FNDC3A: variants seen among roughly 807,000 people sequenced by gnomAD.
FNDC3A encodes the protein fibronectin type-III domain-containing protein 3A.
FNDC3A carries 32 observed loss-of-function variants against 148.9 expected under a neutral mutation model. The ratio of observed to expected loss-of-function variants is 0.21; its 90% CI spans 0.16 to 0.29. The LOEUF is 0.29. Ranked by LOEUF, FNDC3A falls within the 10% of genes least tolerant of loss-of-function variation. The probability of loss-of-function intolerance (pLI) is 1.00; values close to 1 mark genes in which losing one functional copy is unlikely to be tolerated. For synonymous variants in FNDC3A, 472 were observed against 473.6 expected, an observed-to-expected ratio of 1.00 and a Z score of 0.04; for missense variants, 1,191 against 1,452.8, an observed-to-expected ratio of 0.82 and a Z score of 2.93.
intron 4 of FNDC3A, 25 bp from the exon 5 acceptor site, chr13:49,131,112 T>A: frequency 6.5e-7 from 1 of 1,550,208 alleles, no homozygotes. Context: ...ATGGAAGAAA[T>A]TTTAATCTGA....
At chr13:49,064,358 T>C (rs1010023408) in intron 2 of FNDC3A, among the ~76,000 whole-genome samples, 1 of 145,072 alleles carries the variant, frequency 6.9e-6, no homozygotes, top group African/African-American at 2.6e-5. Flanking sequence ...AAGTAGTCTG[T>C]GGAAAAAGAA....
intron 3 of FNDC3A, among the ~76,000 whole-genome samples, chr13:49,098,791 A>G (rs1879687153): frequency 6.6e-6 from 1 of 152,164 alleles, no homozygotes; most frequent in Non-Finnish European, 1.5e-5. Context: ...TCTGAATCAT[A>G]CTTAGGCCCC....
chr13:49,056,760 GTTC>G (rs1206104637), intron 2 of FNDC3A, among the ~76,000 whole-genome samples: 5 of 151,902 alleles, frequency 3.3e-5, no homozygotes, highest in South Asian at 4.2e-4. Context: ...AGTTTTTATT[GTTC>G]TTCTTAAATC....
At chr13:49,168,841 A>G (rs111829587) in intron 10 of FNDC3A, 90 bp downstream of exon 10, 1 of 1,225,196 alleles carries the variant, frequency 8.2e-7, no homozygotes, top group Non-Finnish European at 1.2e-6. Flanking sequence ...CTGGAGACAA[A>G]GAGCTTTAAT....
At chr13:49,159,457 C>T (rs1593681245) in intron 8 of FNDC3A, among the ~76,000 whole-genome samples, 2 of 152,166 alleles carry the variant, frequency 1.3e-5, no homozygotes, top group Non-Finnish European at 2.9e-5. Flanking sequence ...GTGATTTTTG[C>T]ACATTGATGT....
intron 2 of FNDC3A, among the ~76,000 whole-genome samples, chr13:49,072,288 A>G (rs1359399212): frequency 3.3e-5 from 5 of 151,980 alleles, no homozygotes; most frequent in African/African-American, 7.3e-5. Flanking sequence ...TTTCCCCACT[A>G]TATGTTCTTG....
chr13:49,035,655 A>G (rs1451074897), intron 2 of FNDC3A, among the ~76,000 whole-genome samples: 3 of 152,088 alleles, frequency 2.0e-5, no homozygotes, highest in Admixed American at 6.6e-5. Flanking sequence ...TATACCATGT[A>G]TTCTGTTTTG....
At position 49,131,119 on chromosome 13, in the gene FNDC3A, C is replaced by T. The variant is rs1882003366; in HGVS notation, c.253-18C>T. 4 of 1,563,020 alleles carry T rather than the reference C, an allele frequency of 2.6e-6. No homozygotes were observed. The highest frequency in any genetic ancestry group is 3.5e-6 in the Non-Finnish European group (4 of 1,133,622). ...TATATTCTATGGAAGAAATTTTAATCTGATGTTCATTTTGTAGGTTATTGA... is the reference window on the plus strand; with the variant it reads ...TATATTCTATGGAAGAAATTTTAATTTGATGTTCATTTTGTAGGTTATTGA... On this transcript the variant is annotated intron_variant, in intron 4 of 25. Coordinates refer to ENST00000492622, the MANE Select transcript of FNDC3A (RefSeq NM_001079673.2).
chr13:48,983,317 GTA>G (rs1951729086), intron 1 of FNDC3A, among the ~76,000 whole-genome samples: 1 of 152,120 alleles, frequency 6.6e-6, no homozygotes, highest in South Asian at 2.1e-4. Context: ...ATACTGTAAT[GTA>G]TATATATTTT....
chr13:49,034,843 C>T (rs1234333038), intron 2 of FNDC3A, among the ~76,000 whole-genome samples: 1 of 151,960 alleles, frequency 6.6e-6, no homozygotes, highest in African/African-American at 2.4e-5. Flanking sequence ...ATTTTAAACT[C>T]AATCCTAAAA....
At chr13:48,993,955 A>G (rs1442705593) in intron 1 of FNDC3A, among the ~76,000 whole-genome samples, 1 of 152,168 alleles carries the variant, frequency 6.6e-6, no homozygotes, top group South Asian at 2.1e-4. Flanking sequence ...GATATAGAAA[A>G]CTGTGTTTCA....
chr13:49,167,449 G>C (rs894024518), intron 9 of FNDC3A, 146 bp downstream of exon 9: 21 of 546,308 alleles, frequency 3.8e-5, no homozygotes, highest in East Asian at 3.8e-4. Flanking sequence ...CAGTGCGCCC[G>C]TAATCCCAGC....
intron 2 of FNDC3A, among the ~76,000 whole-genome samples, chr13:49,066,752 T>A (rs1205089701): frequency 6.6e-6 from 1 of 152,102 alleles, no homozygotes; most frequent in East Asian, 1.9e-4. Flanking sequence ...CATGCAGGTT[T>A]GTTACATAGG....
At chr13:49,150,801 G>A (rs141615832) in intron 8 of FNDC3A, among the ~76,000 whole-genome samples, 10 of 151,698 alleles carry the variant, frequency 6.6e-5, no homozygotes, top group African/African-American at 1.9e-4. Context: ...AAAAATTAGC[G>A]AGGTGTGGTG....
At chr13:49,032,846 T>C (rs1217716132) in intron 2 of FNDC3A, among the ~76,000 whole-genome samples, 1 of 152,192 alleles carries the variant, frequency 6.6e-6, no homozygotes, top group Non-Finnish European at 1.5e-5. Flanking sequence ...CATGAAATTA[T>C]AACTCTTTAC....
At chr13:49,046,988 T>G (rs1178652496) in intron 2 of FNDC3A, among the ~76,000 whole-genome samples, 4 of 152,054 alleles carry the variant, frequency 2.6e-5, no homozygotes, top group Non-Finnish European at 4.4e-5. Context: ...TGTGTAGTCT[T>G]TTATCCCTCA....
chr13:49,152,171 G>C (rs896161976), intron 8 of FNDC3A, among the ~76,000 whole-genome samples: 1 of 152,142 alleles, frequency 6.6e-6, no homozygotes, highest in Admixed American at 6.6e-5. Flanking sequence ...CACAATGGTT[G>C]AACTAGTTTA....
intron 1 of FNDC3A, among the ~76,000 whole-genome samples, chr13:48,996,199 G>A (rs894689999): frequency 3.9e-5 from 6 of 152,016 alleles, no homozygotes; most frequent in African/African-American, 1.4e-4. Flanking sequence ...AAAAAAACTT[G>A]AGAAATAGAA....
rs186659304 is a variant in FNDC3A, at chr13:49,099,395, G to A, written c.176-15260G>A. On this transcript the variant is annotated intron_variant, in intron 3 of 25. Transcript: ENST00000492622. ...AGTGTGCTTAGATTTAAAGGACTGG[G>A]AACTAACTCCTTTCAGTTTCCTGGT... Among the ~76,000 whole-genome samples the A allele has an allele frequency of 2.0e-4, 30 of 152,182 alleles. No individual in the cohort carries two copies. The East Asian group carries it at 5.6e-3, about 28-fold the overall frequency.
Sources: allele counts gnomAD v4.1 joint callset (sites outside exome capture counted in the v4.1 genomes callset), GRCh38; gene constraint gnomAD v4.1.1; transcripts MANE v1.5; gene names NCBI Gene and HGNC (gene_info 2026-07-23, HGNC 2026-07-21).